The following ERCC6L2 variants were observed in gnomAD, a reference collection of about 807,000 sequenced individuals.
ERCC6L2 encodes the protein ERCC excision repair 6 like 2.
In ERCC6L2, 77 loss-of-function variants were observed where a neutral mutation model predicts 132.0. That is an observed-to-expected ratio of 0.58 (90% CI 0.49 to 0.71). The LOEUF (loss-of-function observed/expected upper bound fraction) is 0.71, where lower values mean the gene tolerates loss of function less well. ERCC6L2 is among the 30% of genes least tolerant of loss of function. The pLI is 0.00. For synonymous variants in ERCC6L2, 583 were observed against 632.4 expected (o/e 0.92, Z 1.17); for missense variants, 1,542 against 1,837.6 (o/e 0.84, Z 2.94).
In ERCC6L2 at chr9:95,956,004, A is replaced by G. The variant is rs1203454043; in HGVS notation, c.1938A>G (p.Ile646Met). ...TVEEIMYLRQ[I>M]YKQQLHCVVV... ...AGGAAATCATGTATTTACGACAGATATACAAGCAGGTAAATATGTTTCCCT... is the reference window on the plus strand; with the variant it reads ...AGGAAATCATGTATTTACGACAGATGTACAAGCAGGTAAATATGTTTCCCT... The change falls in exon 13 of 19, where the codon ATA (isoleucine) becomes ATG (methionine). Residue 646 changes from isoleucine (I) to methionine (M), a missense_variant. Transcript: ENST00000653738. The G allele has an allele frequency of 1.3e-6, 2 of 1,582,128 alleles. No homozygotes were observed. Among genetic ancestry groups the G allele is most frequent in the African/African-American group, 1.4e-5 (1 of 73,576 alleles).
At chr9:96,019,995 C>T (rs1022031333), downstream of ERCC6L2, 11 of 152,262 alleles carry the variant, frequency 7.2e-5, no homozygotes, top group Admixed American at 6.5e-4. Flanking sequence ...ACCAGCCTAA[C>T]CAACATGGTG....
Position 96,012,534 on chromosome 9 carries a change from CCTAAAAACATATA to C in ERCC6L2, c.3985_3997del (p.Leu1329LysfsTer48). On this transcript the variant is annotated frameshift_variant, in exon 19 of 19. Coordinates refer to ENST00000653738, the MANE Select transcript of ERCC6L2 (RefSeq NM_020207.7). LOFTEE classifies it low-confidence loss of function (END_TRUNC). ...CCAACAAAATTTCTCAAGTTTGCAG[CCTAAAAACATATA>C]AAAGAAAATCAGTTAAGTTTCAGAA... 7.3e-7 allele frequency: 1 copy of C among 1,367,358 alleles called. No homozygotes were observed. The allele number at this position is 1,367,358 out of a possible 1,614,324, so 84.7% of individuals were successfully genotyped here.
intron 12 of ERCC6L2, among the ~76,000 whole-genome samples, chr9:95,942,717 CAGAGACTGGAGGACGGG>C (rs1177227611): frequency 6.6e-6 from 1 of 151,982 alleles, no homozygotes. Context: ...AAATAATGAA[CAGAGACTGGAGGACGGG>C]AGATAATTGA....
chr9:95,967,359 C>G (rs1252218620), intron 14 of ERCC6L2: 1 of 152,168 alleles, frequency 6.6e-6, no homozygotes, highest in Non-Finnish European at 1.5e-5. Flanking sequence ...TCAACCTCCT[C>G]ATGGTATAGA....
intron 6 of ERCC6L2, chr9:95,918,190 G>A: frequency 2.1e-6 from 1 of 475,368 alleles, no homozygotes; most frequent in South Asian, 1.6e-5. Flanking sequence ...GGAAATGGAG[G>A]CAGTCAGCCC....
intron 9 of ERCC6L2, among the ~76,000 whole-genome samples, chr9:95,926,913 G>A (rs1830126191): frequency 6.6e-6 from 1 of 151,980 alleles, no homozygotes; most frequent in African/African-American, 2.4e-5. Context: ...TGTGGAGGAG[G>A]TTGGAAGTAG....
intron 13 of ERCC6L2, among the ~76,000 whole-genome samples, chr9:95,957,576 T>C (rs536251537): frequency 1.3e-5 from 2 of 152,252 alleles, no homozygotes; most frequent in African/African-American, 4.8e-5. Context: ...TATGTAGTAA[T>C]TTTTTTCAGT....
In ERCC6L2 at chr9:95,897,088, A is replaced by T. The variant is rs189039551; in HGVS notation, c.472-761A>T. On this transcript the variant is annotated intron_variant, in intron 2 of 18. Transcript: ENST00000653738. ...TCTTATTTATTTTTGTAAGGTAATG[A>T]TCAGTTATTTTCTTCCATATGGATA... is the stretch of plus-strand genomic sequence containing the variant. Among the ~76,000 whole-genome samples, 112 of 152,092 alleles carry T rather than the reference A, an allele frequency of 7.4e-4. No homozygotes were observed. In the East Asian group the frequency reaches 0.019, roughly 25 times the overall value.
In ERCC6L2 at chr9:95,969,904, C is replaced by T. The variant is rs1048262725; in HGVS notation, c.2101-672C>T. Among the ~76,000 whole-genome samples the T allele has an allele frequency of 3.3e-5, 5 of 152,184 alleles. No individual in the cohort carries two copies. In the East Asian group the frequency reaches 9.7e-4, roughly 29 times the overall value. On this transcript the variant is annotated intron_variant, in intron 14 of 18. Coordinates refer to ENST00000653738, the MANE Select transcript of ERCC6L2 (RefSeq NM_020207.7). ...TCCTTGCTCTGTCAACAAATATAGC[C>T]TTAAAAAGAGAATTGATTTCCTTTT...
In ERCC6L2 at chr9:96,007,172, C is replaced by G. The variant is rs1833889249; in HGVS notation, c.3674+2471C>G. 2.6e-5 allele frequency among the ~76,000 whole-genome samples: 4 copies of G among 152,304 alleles called. No individual in the cohort carries two copies. In the South Asian group the frequency reaches 8.3e-4, roughly 32 times the overall value. On this transcript the variant is annotated intron_variant, in intron 18 of 18. Transcript: ENST00000653738. Reference sequence around the variant, plus strand: ...AGGACTTGAGGTTACCAGCATATCCCCCAGCATTGCTGTTGTGGGCAGTCA... The same window carrying G: ...AGGACTTGAGGTTACCAGCATATCCGCCAGCATTGCTGTTGTGGGCAGTCA...
intron 11 of ERCC6L2, among the ~76,000 whole-genome samples, chr9:95,935,911 G>A (rs1478846489): frequency 3.9e-5 from 6 of 152,124 alleles, no homozygotes; most frequent in Non-Finnish European, 7.4e-5. Context: ...TACTGCAAAA[G>A]TAAAATTTTC....
At chr9:95,968,063 A>C (rs1006958716) in intron 14 of ERCC6L2, 17 of 152,196 alleles carry the variant, frequency 1.1e-4, no homozygotes, top group African/African-American at 3.9e-4. Context: ...CAGGTTATTA[A>C]GTAGAAAAAG....
At chr9:95,917,540 T>G (rs1285394705) in intron 6 of ERCC6L2, among the ~76,000 whole-genome samples, 1 of 152,220 alleles carries the variant, frequency 6.6e-6, no homozygotes, top group East Asian at 1.9e-4. Flanking sequence ...CTTTTGATAT[T>G]TATCTAAAGC....
In ERCC6L2 at chr9:95,973,029, G is replaced by A. The variant is rs565391366; in HGVS notation, c.3278G>A (p.Cys1093Tyr). 5.9e-6 allele frequency: 8 copies of A among 1,361,832 alleles called. No homozygotes were observed. In the African/African-American group the frequency reaches 7.4e-5, roughly 13 times the overall value. 84.4% of individuals were successfully genotyped at this position (1,361,832 alleles called of 1,614,324 possible). A position where few individuals can be genotyped will look rare whatever the true frequency, so the allele number is the denominator to read the frequency against. The change falls in exon 16 of 19, where the codon TGT becomes TAT. Residue 1093 changes from cysteine (C) to tyrosine (Y), a missense_variant. Coordinates refer to ENST00000653738, the MANE Select transcript of ERCC6L2 (RefSeq NM_020207.7). ...TTTATTCCAAGAAAACCAATGAAATGTTCAAATGAGAAAGTTGTTAATCAA... is the reference window on the plus strand; with the variant it reads ...TTTATTCCAAGAAAACCAATGAAATATTCAAATGAGAAAGTTGTTAATCAA... The part of the protein sequence containing the change: ...STFIPRKPMK[C>Y]SNEKVVNQEQ...
intron 12 of ERCC6L2, among the ~76,000 whole-genome samples, chr9:95,947,931 A>C (rs188873129): frequency 1.1e-4 from 16 of 152,366 alleles, no homozygotes; most frequent in Admixed American, 9.1e-4. Context: ...CAATGCCCCT[A>C]GTCACCCAAG....
intron 1 of ERCC6L2, among the ~76,000 whole-genome samples, chr9:95,879,507 T>C (rs933559756): frequency 4.6e-5 from 7 of 152,222 alleles, no homozygotes; most frequent in Admixed American, 3.9e-4. Flanking sequence ...AGTACTGTTA[T>C]GAAAATTGGG....
chr9:95,909,092 T>C (rs1207852066), intron 4 of ERCC6L2, among the ~76,000 whole-genome samples: 1 of 152,182 alleles, frequency 6.6e-6, no homozygotes, highest in Non-Finnish European at 1.5e-5. Context: ...AGAGTTGTAT[T>C]AAAATCAACT....
In ERCC6L2 at chr9:95,989,349, C is replaced by T. The variant is rs558939545; in HGVS notation, c.3492+11134C>T. ...AGGTGACCAGCCCCATCCTGAAGCT[C>T]CTAGGGGGCTGCCAGCCACCAGCCA... On this transcript the variant is annotated intron_variant, in intron 17 of 18. Transcript: ENST00000653738. 5.3e-5 allele frequency among the ~76,000 whole-genome samples: 8 copies of T among 152,292 alleles called. No homozygotes were observed. The South Asian group carries it at 1.5e-3, about 28-fold the overall frequency.
Position 95,904,461 on chromosome 9 carries a change from G to A in ERCC6L2, c.595-2617G>A, listed in dbSNP as rs115546431. Among the ~76,000 whole-genome samples the A allele has an allele frequency of 4.1e-3, 621 of 152,230 alleles. 7 individuals are homozygous for A. The highest frequency in any genetic ancestry group is 0.014 in the African/African-American group (593 of 41,564). On this transcript the variant is annotated intron_variant, in intron 3 of 18. Coordinates refer to ENST00000653738, the MANE Select transcript of ERCC6L2 (RefSeq NM_020207.7). ...GGACGTAGACTTTTTGATTGAAGGT[G>A]CTAACAGGATATGTCATGGTAGTTA...
Sources: allele counts gnomAD v4.1 joint callset (sites outside exome capture counted in the v4.1 genomes callset), GRCh38; gene constraint gnomAD v4.1.1; transcripts MANE v1.5; gene names NCBI Gene and HGNC (gene_info 2026-07-23, HGNC 2026-07-21).